Variants in FALEC observed in about 807,000 individuals in gnomAD.
The protein encoded by FALEC is focally amplified lncRNA regulator of ECM1, also known as focally amplified lncRNA on chromosome 1.
At chr1:150,517,630 C>CA (rs1277326615) in intron 1 of FALEC, 1 of 152,272 alleles carries the variant, frequency 6.6e-6, no homozygotes, top group Non-Finnish European at 1.5e-5. Flanking sequence ...CTGTGAGATA[C>CA]AAGAAGTTGG....
At chr1:150,526,387 C>T in the FALEC span, among the ~76,000 whole-genome samples, 11 of 148,966 alleles carry the variant, frequency 7.4e-5, no homozygotes, top group Non-Finnish European at 1.6e-4. Context: ...TTTGTAGAGA[C>T]AGGGTCTCGC....
At chr1:150,529,486 C>T in the FALEC span, among the ~76,000 whole-genome samples, 2 of 152,324 alleles carry the variant, frequency 1.3e-5, no homozygotes, top group South Asian at 4.1e-4. Context: ...AACTCAAAGG[C>T]TTGCCCTTTG....
downstream of FALEC, among the ~76,000 whole-genome samples, chr1:150,522,257 A>AAAAG (rs1307965800): frequency 8.6e-6 from 1 of 116,110 alleles, no homozygotes; most frequent in South Asian, 2.7e-4. Flanking sequence ...AAAAAAAAAA[A>AAAAG]AAAGAAAGAA....
the FALEC span, among the ~76,000 whole-genome samples, chr1:150,535,631 G>C: frequency 6.6e-6 from 1 of 152,160 alleles, no homozygotes; most frequent in Non-Finnish European, 1.5e-5. Flanking sequence ...GTTCAGTTAC[G>C]GGCTTTATGT....
chr1:150,531,606 A>G, the FALEC span, among the ~76,000 whole-genome samples: 6 of 152,202 alleles, frequency 3.9e-5, no homozygotes, highest in Non-Finnish European at 7.3e-5. Flanking sequence ...CCAGATTGCT[A>G]TCTCTAGTGA....
At chr1:150,519,648 A>G (rs2101454550), downstream of FALEC, among the ~76,000 whole-genome samples, 1 of 151,692 alleles carries the variant, frequency 6.6e-6, no homozygotes, top group South Asian at 2.1e-4. Flanking sequence ...TAAGGTCAGG[A>G]GTTCGAGACC....
chr1:150,522,983 A>ATAT (rs1670676236), downstream of FALEC, among the ~76,000 whole-genome samples: 3 of 15,918 alleles, frequency 1.9e-4, no homozygotes, highest in African/African-American at 6.1e-4. Flanking sequence ...ATATATATAT[A>ATAT]TTTTTTTTTT....
chr1:150,534,816 T>TG, the FALEC span, among the ~76,000 whole-genome samples: 8 of 143,304 alleles, frequency 5.6e-5, no homozygotes, highest in South Asian at 6.6e-4. Context: ...CACTCCAGCC[T>TG]GGCAACAGAG....
downstream of FALEC, among the ~76,000 whole-genome samples, chr1:150,521,223 T>C (rs1670638329): frequency 6.6e-6 from 1 of 152,248 alleles, no homozygotes; most frequent in African/African-American, 2.4e-5. Flanking sequence ...ATGGTAGATA[T>C]TGCATGAATT....
chr1:150,532,228 G>C, the FALEC span, among the ~76,000 whole-genome samples: 1 of 152,130 alleles, frequency 6.6e-6, no homozygotes, highest in Non-Finnish European at 1.5e-5. Flanking sequence ...TTTTAAAGTT[G>C]GTTTTCCTTT....
At chr1:150,534,970 C>A in the FALEC span, among the ~76,000 whole-genome samples, 1 of 152,204 alleles carries the variant, frequency 6.6e-6, no homozygotes, top group Non-Finnish European at 1.5e-5. Context: ...CAGCCAGCCC[C>A]TCCTGGTGTT....
chr1:150,522,933 ATG>A (rs1174772010), downstream of FALEC, among the ~76,000 whole-genome samples: 1,077 of 18,278 alleles, frequency 0.059, 118 homozygotes, highest in African/African-American at 0.093. Context: ...ATACATATAT[ATG>A]TGTGTGTGTG....
chr1:150,516,318 G>C (rs1465012084), intron 1 of FALEC, among the ~76,000 whole-genome samples: 1 of 152,222 alleles, frequency 6.6e-6, no homozygotes, highest in African/African-American at 2.4e-5. Context: ...AGCTGCGTTT[G>C]CAAAGTGCAG....
At chr1:150,523,292 A>G in the FALEC span, among the ~76,000 whole-genome samples, 1 of 149,412 alleles carries the variant, frequency 6.7e-6, no homozygotes. Flanking sequence ...TGCGCCTGGC[A>G]TATATTATTA....
chr1:150,522,233 T>A (rs1330092708), downstream of FALEC, among the ~76,000 whole-genome samples: 1 of 136,512 alleles, frequency 7.3e-6, no homozygotes, highest in East Asian at 2.1e-4. Flanking sequence ...GGTGACAGAG[T>A]GAGACTGTCT....
the FALEC span, among the ~76,000 whole-genome samples, chr1:150,523,445 A>G: frequency 6.6e-6 from 1 of 151,528 alleles, no homozygotes; most frequent in African/African-American, 2.4e-5. Flanking sequence ...ACCTGAGGTC[A>G]GGAGTTCGAG....
At chr1:150,523,673 AC>A in the FALEC span, among the ~76,000 whole-genome samples, 3 of 150,592 alleles carry the variant, frequency 2.0e-5, no homozygotes, top group African/African-American at 7.3e-5. Context: ...AAAAAAAATT[AC>A]ATGTGTGGCT....
chr1:150,522,866 CGT>C (rs1491290854), downstream of FALEC, among the ~76,000 whole-genome samples: 1 of 91,456 alleles, frequency 1.1e-5, no homozygotes, highest in African/African-American at 4.6e-5. Context: ...TATATATATA[CGT>C]ATATATACAT....
chr1:150,529,016 C>CAAA, the FALEC span, among the ~76,000 whole-genome samples: 7,524 of 59,052 alleles, frequency 0.13, 857 homozygotes, highest in East Asian at 0.33. Flanking sequence ...AAATAAATAG[C>CAAA]AAAAAAAAAA....
Sources: allele counts gnomAD v4.1 joint callset (sites outside exome capture counted in the v4.1 genomes callset), GRCh38; gene constraint gnomAD v4.1.1; transcripts MANE v1.5; gene names NCBI Gene and HGNC (gene_info 2026-07-23, HGNC 2026-07-21).